CTNND2: variants seen among roughly 807,000 people sequenced by gnomAD.
CTNND2 encodes the protein catenin delta 2.
A neutral mutation model predicts 144.4 loss-of-function variants in CTNND2; 22 were observed. The ratio of observed to expected loss-of-function variants is 0.15; its 90% CI spans 0.11 to 0.22. CTNND2 has a LOEUF of 0.22. Ranked by LOEUF, CTNND2 falls within the 10% of genes least tolerant of loss-of-function variation. The pLI, the probability that CTNND2 is intolerant of heterozygous loss-of-function variation, is 1.00. For synonymous variants in CTNND2, 751 were observed against 695.6 expected, an observed-to-expected ratio of 1.08 and a Z score of -1.25; for missense variants, 1,353 against 1,618.8, an observed-to-expected ratio of 0.84 and a Z score of 2.82.
intron 3 of CTNND2, among the ~76,000 whole-genome samples, chr5:11,464,725 G>A (rs1766507670): frequency 3.3e-5 from 5 of 152,206 alleles, no homozygotes; most frequent in Admixed American, 2.0e-4. Context: ...AAGGTGGTGA[G>A]AAGTGGTTGA....
chr5:11,373,246 G>C (rs1399682664), intron 7 of CTNND2, among the ~76,000 whole-genome samples: 1 of 152,176 alleles, frequency 6.6e-6, no homozygotes, highest in Non-Finnish European at 1.5e-5. Flanking sequence ...TCTATCTCTA[G>C]GGTGGACTTT....
intron 2 of CTNND2, among the ~76,000 whole-genome samples, chr5:11,671,603 T>C (rs1239006755): frequency 6.6e-6 from 1 of 151,996 alleles, no homozygotes; most frequent in East Asian, 1.9e-4. Flanking sequence ...CATGAAGTTC[T>C]CATGCTGTTT....
chr5:11,578,707 A>T (rs1778164984), intron 2 of CTNND2, among the ~76,000 whole-genome samples: 1 of 151,918 alleles, frequency 6.6e-6, no homozygotes, highest in Non-Finnish European at 1.5e-5. Flanking sequence ...AAATAAATAG[A>T]GTAGTGAACT....
chr5:11,282,818 G>T (rs757628937), intron 9 of CTNND2, among the ~76,000 whole-genome samples: 76 of 152,128 alleles, frequency 5.0e-4, no homozygotes, highest in African/African-American at 1.3e-3. Flanking sequence ...CAGGTTTAAC[G>T]GCAACAATCT....
chr5:11,130,361 G>A (rs930106298), intron 12 of CTNND2, among the ~76,000 whole-genome samples: 8 of 152,108 alleles, frequency 5.3e-5, no homozygotes, highest in South Asian at 2.1e-4. Flanking sequence ...GCCTGGATCC[G>A]TGCCTTCTGG....
chr5:11,762,013 T>A (rs551248187), intron 1 of CTNND2, among the ~76,000 whole-genome samples: 1 of 152,328 alleles, frequency 6.6e-6, no homozygotes, highest in African/African-American at 2.4e-5. Context: ...AATTGTGTTA[T>A]CCACAGGCAT....
In CTNND2 at chr5:11,817,400, GAGA is replaced by G. The variant is rs1266816698; in HGVS notation, c.38-85131_38-85129del. Among the ~76,000 whole-genome samples the G allele has an allele frequency of 1.6e-3, 77 of 48,988 alleles. 15 individuals are homozygous for G. The highest frequency in any genetic ancestry group is 6.6e-3 in the African/African-American group (72 of 10,878). The allele number at this position is 48,988 out of a possible 152,430, so 32.1% of individuals were successfully genotyped here. On this transcript the variant is annotated intron_variant, in intron 1 of 21. Transcript: ENST00000304623. The stretch of plus-strand genomic sequence containing the variant: ...GGGGGAGAGAGGGGGGAGAGAGAGA[GAGA>G]GAGGAGGGAGAGAGAGAGAGAGAGA...
intron 2 of CTNND2, among the ~76,000 whole-genome samples, chr5:11,584,969 TTC>T: frequency 6.6e-6 from 1 of 152,352 alleles, no homozygotes; most frequent in Middle Eastern, 3.4e-3. Context: ...TCTTCATGTG[TTC>T]TGTGTTGAAA....
chr5:11,339,868 C>T (rs1456565570), intron 9 of CTNND2, among the ~76,000 whole-genome samples: 1 of 152,168 alleles, frequency 6.6e-6, no homozygotes, highest in East Asian at 1.9e-4. Context: ...TATCAAGCTA[C>T]CCAGAGATAT....
chr5:11,188,072 T>C (rs1735824701), intron 11 of CTNND2, among the ~76,000 whole-genome samples: 1 of 152,046 alleles, frequency 6.6e-6, no homozygotes, highest in Non-Finnish European at 1.5e-5. Flanking sequence ...GAACCAGAAA[T>C]ATCATTTGAC....
chr5:10,987,472 C>T (rs1475923941), intron 20 of CTNND2, among the ~76,000 whole-genome samples: 2 of 152,088 alleles, frequency 1.3e-5, no homozygotes, highest in Non-Finnish European at 2.9e-5. Context: ...TGAGGGATGA[C>T]GAGCGTGAAA....
chr5:11,593,803 T>G (rs898192255), intron 2 of CTNND2, among the ~76,000 whole-genome samples: 3 of 152,158 alleles, frequency 2.0e-5, no homozygotes, highest in African/African-American at 7.2e-5. Flanking sequence ...CATAACAGTA[T>G]GAAAATGGAC....
chr5:11,200,530 C>T lies in CTNND2; in HGVS notation c.1762-869G>A, dbSNP rs1442134795. On this transcript the variant is annotated intron_variant, in intron 10 of 21. Coordinates refer to ENST00000304623, the MANE Select transcript of CTNND2 (RefSeq NM_001332.4). Reference sequence around the variant, plus strand: ...TTCGTGCAGGAATACCCTTCTTTTACACTTTATGCTTCACCGTTCTTCAGG... The same window carrying T: ...TTCGTGCAGGAATACCCTTCTTTTATACTTTATGCTTCACCGTTCTTCAGG... 2.0e-5 allele frequency among the ~76,000 whole-genome samples: 3 copies of T among 152,200 alleles called. No homozygotes were observed. The East Asian group carries it at 5.8e-4, about 29-fold the overall frequency.
chr5:11,057,971 G>T (rs1292996594), intron 16 of CTNND2, among the ~76,000 whole-genome samples: 1 of 152,172 alleles, frequency 6.6e-6, no homozygotes, highest in Non-Finnish European at 1.5e-5. Context: ...TAAGAGAGAT[G>T]ATTTAAGGTA....
intron 2 of CTNND2, among the ~76,000 whole-genome samples, chr5:11,656,416 C>T (rs1782914996): frequency 9.5e-6 from 1 of 105,206 alleles, no homozygotes; most frequent in Admixed American, 1.2e-4. Flanking sequence ...TGAACACTCC[C>T]AGAAAAAAAA....
intron 3 of CTNND2, among the ~76,000 whole-genome samples, chr5:11,419,025 T>G (rs548379596): frequency 5.2e-4 from 72 of 138,308 alleles, no homozygotes; most frequent in South Asian, 3.6e-3. Context: ...TAGATGTCTA[T>G]CTATATATAG....
chr5:11,068,731 C>A (rs1042035787), intron 16 of CTNND2, among the ~76,000 whole-genome samples: 1 of 152,050 alleles, frequency 6.6e-6, no homozygotes, highest in East Asian at 1.9e-4. Flanking sequence ...CTGGCTAACA[C>A]GGTGAAACCC....
At chr5:11,558,838 A>C (rs891008164) in intron 3 of CTNND2, among the ~76,000 whole-genome samples, 1 of 152,160 alleles carries the variant, frequency 6.6e-6, no homozygotes, top group African/African-American at 2.4e-5. Flanking sequence ...TTTAACATCT[A>C]AGCCTGTTTC....
chr5:11,681,362 A>T (rs1466711215), intron 2 of CTNND2, among the ~76,000 whole-genome samples: 1 of 152,192 alleles, frequency 6.6e-6, no homozygotes, highest in African/African-American at 2.4e-5. Flanking sequence ...AGTCTCCTGA[A>T]CATAATAAAA....
Sources: allele counts gnomAD v4.1 joint callset (sites outside exome capture counted in the v4.1 genomes callset), GRCh38; gene constraint gnomAD v4.1.1; transcripts MANE v1.5; gene names NCBI Gene and HGNC (gene_info 2026-07-23, HGNC 2026-07-21).